The following WDSUB1 variants were observed in gnomAD, a reference collection of about 807,000 sequenced individuals.
WDSUB1 encodes the protein WD repeat, SAM and U-box domain-containing protein 1.
Under a neutral mutation model 53.9 loss-of-function variants are expected in WDSUB1, and 49 were observed. That is an observed-to-expected ratio of 0.91 (90% CI 0.72 to 1.15). The LOEUF (loss-of-function observed/expected upper bound fraction) is 1.15, where lower values mean the gene tolerates loss of function less well. WDSUB1 is among the 50% of genes most tolerant of loss of function. The probability of loss-of-function intolerance (pLI) is 0.00; values close to 1 mark genes in which losing one functional copy is unlikely to be tolerated. For synonymous variants in WDSUB1, 194 were observed against 200.6 expected (o/e 0.97, Z 0.28); for missense variants, 514 against 562.0 (o/e 0.91, Z 0.86).
At chr2:159,252,375 C>T (rs1353537615) in intron 9 of WDSUB1, among the ~76,000 whole-genome samples, 1 of 152,054 alleles carries the variant, frequency 6.6e-6, no homozygotes, top group African/African-American at 2.4e-5. Context: ...CTTCATGAAC[C>T]CTACAATATA....
chr2:159,280,144 G>A (rs2061624594), intron 2 of WDSUB1, among the ~76,000 whole-genome samples, 199 bp from the exon 3 acceptor site: 1 of 152,138 alleles, frequency 6.6e-6, no homozygotes, highest in African/African-American at 2.4e-5. Context: ...AGCAAGGGAG[G>A]ATTTAAATAT....
In WDSUB1 at chr2:159,282,655, G is replaced by A. The variant is rs1388499572; in HGVS notation, c.398+17C>T. The A allele has an allele frequency of 1.3e-6, 2 of 1,591,752 alleles. No homozygotes were observed. The highest frequency in any genetic ancestry group is 1.7e-6 in the Non-Finnish European group (2 of 1,164,354). On this transcript the variant is annotated intron_variant, in intron 2 of 10. Transcript: ENST00000359774. Reference sequence around the variant, plus strand: ...TAGTCAACAGGATTAAAACAGGAAGGATTTAAATATCCATACCTATATAAT... The same window carrying A: ...TAGTCAACAGGATTAAAACAGGAAGAATTTAAATATCCATACCTATATAAT...
At chr2:159,236,952 A>C (rs982837793) in intron 10 of WDSUB1, among the ~76,000 whole-genome samples, 4 of 152,080 alleles carry the variant, frequency 2.6e-5, no homozygotes, top group Non-Finnish European at 5.9e-5. Context: ...TATTCTTGCA[A>C]AATTATTTGC....
intron 10 of WDSUB1, among the ~76,000 whole-genome samples, chr2:159,238,021 A>G (rs2060533541): frequency 6.6e-6 from 1 of 152,170 alleles, no homozygotes; most frequent in South Asian, 2.1e-4. Flanking sequence ...TTTTTCCCCT[A>G]CAGCCTAACC....
At position 159,276,358 on chromosome 2, in the gene WDSUB1, C is replaced by G. The variant is rs59512323; in HGVS notation, c.584-720G>C. On this transcript the variant is annotated intron_variant, in intron 3 of 10. Transcript: ENST00000359774. Reference sequence around the variant, plus strand: ...TACAGGCGTGAGCCACTGCACTGGCCTAAAGTCATATCAATTTCTTAAAAG... The same window carrying G: ...TACAGGCGTGAGCCACTGCACTGGCGTAAAGTCATATCAATTTCTTAAAAG... Among the ~76,000 whole-genome samples, 491 of 152,268 alleles carry G rather than the reference C, an allele frequency of 3.2e-3. 3 individuals are homozygous for G. The highest frequency in any genetic ancestry group is 0.011 in the African/African-American group (456 of 41,550).
In WDSUB1 at chr2:159,236,134, T is replaced by TAC; in HGVS notation, c.1328_1329dup (p.Thr444ValfsTer5). ...AGAACAAGATTTGTCATGGGACTTG[T>TAC]ACGTTTCTTTTTGCTGATCCAATTT... On this transcript the variant is annotated frameshift_variant, in exon 11 of 11. Coordinates refer to ENST00000359774, the MANE Select transcript of WDSUB1 (RefSeq NM_001128212.3). LOFTEE classifies it high-confidence loss of function. The TAC allele has an allele frequency of 6.2e-7, 1 of 1,613,824 alleles. No homozygotes were observed. Among genetic ancestry groups the TAC allele is most frequent in the Non-Finnish European group, 8.5e-7 (1 of 1,179,886 alleles).
chr2:159,258,431 G>A (rs1358795560), intron 6 of WDSUB1, among the ~76,000 whole-genome samples: 1 of 152,240 alleles, frequency 6.6e-6, no homozygotes, highest in Non-Finnish European at 1.5e-5. Flanking sequence ...GGCCGAGGCA[G>A]GTGGATCACT....
At chr2:159,244,318 T>C (rs567377060) in intron 10 of WDSUB1, among the ~76,000 whole-genome samples, 1 of 151,854 alleles carries the variant, frequency 6.6e-6, no homozygotes, top group East Asian at 1.9e-4. Context: ...ATTAAGCTTC[T>C]ATTAAAAAGC....
intron 5 of WDSUB1, among the ~76,000 whole-genome samples, chr2:159,263,870 A>G (rs756299014): frequency 1.3e-5 from 2 of 152,194 alleles, no homozygotes; most frequent in African/African-American, 2.4e-5. Flanking sequence ...ATATGTATTG[A>G]GCAGTGATGT....
At chr2:159,252,863 AG>A (rs779428943) in intron 9 of WDSUB1, among the ~76,000 whole-genome samples, 9 of 152,232 alleles carry the variant, frequency 5.9e-5, no homozygotes, top group Admixed American at 2.6e-4. Context: ...CAAATGGAAG[AG>A]TGAACCCTTT....
chr2:159,242,490 A>T (rs1157110036), intron 10 of WDSUB1, among the ~76,000 whole-genome samples: 1 of 146,918 alleles, frequency 6.8e-6, no homozygotes, highest in Non-Finnish European at 1.5e-5. Context: ...GTGAAACCCC[A>T]TCTCTACTAA....
At chr2:159,241,788 C>G (rs2060656254) in intron 10 of WDSUB1, among the ~76,000 whole-genome samples, 1 of 141,438 alleles carries the variant, frequency 7.1e-6, no homozygotes, top group Non-Finnish European at 1.5e-5. Context: ...TCTCGGCTCA[C>G]TGCAACCTCT....
At chr2:159,256,465 C>T in intron 8 of WDSUB1, 90 bp from the exon 9 acceptor site, 1 of 1,388,880 alleles carries the variant, frequency 7.2e-7, no homozygotes, top group East Asian at 2.4e-5. Flanking sequence ...ATGAAATTTC[C>T]TTAAATCTGT....
At chr2:159,271,230 T>C (rs948106738) in intron 5 of WDSUB1, among the ~76,000 whole-genome samples, 1 of 152,174 alleles carries the variant, frequency 6.6e-6, no homozygotes, top group Non-Finnish European at 1.5e-5. Flanking sequence ...TGCATGAACA[T>C]GTACACCAGG....
chr2:159,245,532 C>CAA (rs35025474), intron 10 of WDSUB1, among the ~76,000 whole-genome samples: 1,609 of 131,300 alleles, frequency 0.012, 19 homozygotes, highest in East Asian at 0.051. Context: ...GACTCTGTCT[C>CAA]AAAAAAAAAA....
intron 1 of WDSUB1, among the ~76,000 whole-genome samples, chr2:159,283,357 C>G (rs1029870609): frequency 6.6e-6 from 1 of 152,062 alleles, no homozygotes; most frequent in African/African-American, 2.4e-5. Context: ...AGCAGCACAC[C>G]CTCGATCCCT....
At chr2:159,243,726 C>G (rs1451696726) in intron 10 of WDSUB1, among the ~76,000 whole-genome samples, 3 of 152,126 alleles carry the variant, frequency 2.0e-5, no homozygotes, top group Admixed American at 2.0e-4. Flanking sequence ...GATTTAACCA[C>G]TCTGGAATGC....
intron 10 of WDSUB1, among the ~76,000 whole-genome samples, chr2:159,239,028 G>T (rs758447685): frequency 1.3e-5 from 2 of 152,010 alleles, no homozygotes; most frequent in Non-Finnish European, 2.9e-5. Flanking sequence ...CTAAGATAGG[G>T]TCTCACTCTG....
chr2:159,250,163 T>C (rs1053924564), intron 9 of WDSUB1, among the ~76,000 whole-genome samples: 2 of 146,262 alleles, frequency 1.4e-5, no homozygotes, highest in African/African-American at 2.5e-5. Context: ...GTGTCACGAG[T>C]AATAAACCGT....
Sources: allele counts gnomAD v4.1 joint callset (sites outside exome capture counted in the v4.1 genomes callset), GRCh38; gene constraint gnomAD v4.1.1; transcripts MANE v1.5; gene names NCBI Gene and HGNC (gene_info 2026-07-23, HGNC 2026-07-21).